The following SYT11 variants were observed in gnomAD, a reference collection of about 807,000 sequenced individuals.
The protein encoded by SYT11 is synaptotagmin 11.
Under a neutral mutation model 30.4 loss-of-function variants are expected in SYT11, and 12 were observed. The ratio of observed to expected loss-of-function variants is 0.39; its 90% confidence interval spans 0.25 to 0.64. SYT11 has a LOEUF of 0.64. SYT11 is among the 30% of genes least tolerant of loss of function. SYT11 has a pLI of 0.45. For synonymous variants in SYT11, 204 were observed against 216.0 expected, an observed-to-expected ratio of 0.94 and a Z score of 0.49; for missense variants, 412 against 552.0, an observed-to-expected ratio of 0.75 and a Z score of 2.54.
chr1:155,865,288 G>A (rs989157497), intron 1 of SYT11, among the ~76,000 whole-genome samples: 4 of 152,190 alleles, frequency 2.6e-5, no homozygotes, highest in East Asian at 1.9e-4. Context: ...AGTGAGGTTC[G>A]GGGCTCACGA....
Position 155,881,758 on chromosome 1 carries a change from C to T in SYT11, c.*250C>T, listed in dbSNP as rs932297837. 10 of 307,328 alleles carry T rather than the reference C, an allele frequency of 3.3e-5. No individual in the cohort carries two copies. The highest frequency in any genetic ancestry group is 1.2e-4 in the East Asian group (2 of 16,550). The allele number at this position is 307,328 out of a possible 1,614,324, so 19.0% of individuals were successfully genotyped here. On this transcript the variant is annotated 3_prime_UTR_variant, in exon 4 of 4. Coordinates refer to ENST00000368324, the MANE Select transcript of SYT11 (RefSeq NM_152280.5). ...CTTTATTTTTTTTGAGGTGGAGTTT[C>T]GCTCTTGTTGCCCGGGCTGGAGTGC...
At chr1:155,879,165 C>G (rs746645676) in intron 2 of SYT11, among the ~76,000 whole-genome samples, 6 of 152,084 alleles carry the variant, frequency 3.9e-5, no homozygotes, top group Non-Finnish European at 5.9e-5. Flanking sequence ...GCTTGTAATC[C>G]CAGCACTTTG....
chr1:155,862,466 AG>A (rs990684174), intron 1 of SYT11, among the ~76,000 whole-genome samples: 1 of 152,236 alleles, frequency 6.6e-6, no homozygotes, highest in Non-Finnish European at 1.5e-5. Flanking sequence ...AAACAAGGCC[AG>A]GGGGAACAAC....
chr1:155,868,022 C>A lies in SYT11; in HGVS notation c.92C>A (p.Ser31Ter). ...GCCTCTGTGCTGGTGGTGTGTGTCT[C>A]GGTGACCGTCTTTGTCTGGTCATGC... Reference protein sequence around the residue: ...IGASVLVVCVSVTVFVWSCCH... With the variant: ...IGASVLVVCV Residue 31 changes from serine (S) to a stop codon, truncating the protein, a stop_gained, in exon 2 of 4, where the codon TCG becomes TAG. Coordinates refer to ENST00000368324, the MANE Select transcript of SYT11 (RefSeq NM_152280.5). LOFTEE classifies it high-confidence loss of function. This position sits in a 1 kb window ranked among gnomAD's most constrained non-coding sequence, Gnocchi z 4.7. The A allele has an allele frequency of 6.2e-7, 1 of 1,613,224 alleles. No homozygotes were observed. The highest frequency in any genetic ancestry group is 1.1e-5 in the South Asian group (1 of 91,048).
rs1007901772 is a variant in SYT11, at chr1:155,884,551, C to T, written c.*3043C>T. The T allele has an allele frequency of 2.0e-5, 3 of 152,756 alleles. No homozygotes were observed. The highest frequency in any genetic ancestry group is 7.2e-5 in the African/African-American group (3 of 41,440). 9.5% of individuals were successfully genotyped at this position (152,756 alleles called of 1,614,324 possible). ...TCACATTTGTTCTTTCCAGAGCTAACTGATAAGAGTGGAGGAGGAATGCCT... is the reference window on the plus strand; with the variant it reads ...TCACATTTGTTCTTTCCAGAGCTAATTGATAAGAGTGGAGGAGGAATGCCT... On this transcript the variant is annotated 3_prime_UTR_variant, in exon 4 of 4. Transcript: ENST00000368324.
intron 2 of SYT11, among the ~76,000 whole-genome samples, chr1:155,877,661 C>G (rs1422554736): frequency 1.3e-5 from 2 of 151,566 alleles, no homozygotes; most frequent in Non-Finnish European, 2.9e-5. Context: ...TCACGCCATT[C>G]TCCTGCCGCA....
intron 2 of SYT11, among the ~76,000 whole-genome samples, chr1:155,871,120 T>A (rs558252307): frequency 1.3e-5 from 2 of 152,236 alleles, no homozygotes; most frequent in South Asian, 4.1e-4. Flanking sequence ...TGCCACAACA[T>A]CTTGTGGTTC....
chr1:155,863,463 A>G (rs968461986), intron 1 of SYT11, among the ~76,000 whole-genome samples: 4 of 151,996 alleles, frequency 2.6e-5, no homozygotes, highest in African/African-American at 7.2e-5. Flanking sequence ...TAAAAAAATA[A>G]TAACAATAAA....
intron 2 of SYT11, among the ~76,000 whole-genome samples, chr1:155,871,807 T>C (rs1672785012): frequency 6.6e-6 from 1 of 152,164 alleles, no homozygotes; most frequent in African/African-American, 2.4e-5. Context: ...CCAGTGCCCG[T>C]AGGCAGGACT....
At chr1:155,870,140 G>A (rs11264418) in intron 2 of SYT11, among the ~76,000 whole-genome samples, 3,208 of 152,292 alleles carry the variant, frequency 0.021, 112 homozygotes, top group African/African-American at 0.07. Flanking sequence ...TATGAAAGAA[G>A]TTGTTGAAAT....
At chr1:155,876,749 T>G (rs1356260859) in intron 2 of SYT11, among the ~76,000 whole-genome samples, 2 of 152,012 alleles carry the variant, frequency 1.3e-5, no homozygotes, top group Non-Finnish European at 2.9e-5. Context: ...CTAGTTCCAG[T>G]CCCAATCATT....
chr1:155,871,984 G>A (rs961519594), intron 2 of SYT11, among the ~76,000 whole-genome samples: 4 of 151,796 alleles, frequency 2.6e-5, no homozygotes, highest in South Asian at 2.1e-4. Context: ...CACACTGGCT[G>A]TAAAGGGCTT....
At chr1:155,867,825 T>C (rs1672705324) in intron 1 of SYT11, 140 bp from the exon 2 acceptor site, 4 of 673,116 alleles carry the variant, frequency 5.9e-6, no homozygotes, top group African/African-American at 3.6e-5. Flanking sequence ...AGGGAAAAAT[T>C]CTGAAGCCCA....
At chr1:155,876,269 G>C (rs1300910650) in intron 2 of SYT11, among the ~76,000 whole-genome samples, 2 of 120,370 alleles carry the variant, frequency 1.7e-5, no homozygotes, top group Non-Finnish European at 3.3e-5. Context: ...CTTTTGAGAC[G>C]GAGTCTCGCT....
chr1:155,873,003 A>AT (rs1672803238), intron 2 of SYT11, among the ~76,000 whole-genome samples: 1 of 152,214 alleles, frequency 6.6e-6, no homozygotes, highest in Non-Finnish European at 1.5e-5. Context: ...GGAAAGAGGC[A>AT]TGGGGATTTT....
At chr1:155,866,411 C>T (rs1039341646) in intron 1 of SYT11, among the ~76,000 whole-genome samples, 2 of 152,206 alleles carry the variant, frequency 1.3e-5, no homozygotes, top group African/African-American at 4.8e-5. Context: ...GCCGCCACAC[C>T]CGGCCTATTT....
rs1672962765 is a variant in SYT11 at position 155,881,545 on chromosome 1, C to G, written c.*37C>G. 1 of 1,544,112 alleles carries G rather than the reference C, an allele frequency of 6.5e-7. No individual in the cohort carries two copies. The highest frequency in any genetic ancestry group is 8.8e-7 in the Non-Finnish European group (1 of 1,139,372). ...TCTCCTCTAATCCCCGGGGGCCAAG[C>G]TGGGGAGGGATGTGGAGGGGAAAAA... On this transcript the variant is annotated 3_prime_UTR_variant, in exon 4 of 4. Coordinates refer to ENST00000368324, the MANE Select transcript of SYT11 (RefSeq NM_152280.5).
intron 2 of SYT11, among the ~76,000 whole-genome samples, chr1:155,872,659 C>CA (rs1454020417): frequency 6.6e-6 from 1 of 152,102 alleles, no homozygotes; most frequent in East Asian, 1.9e-4. Flanking sequence ...GGCTGGGAAA[C>CA]AGAGCTTGCT....
intron 2 of SYT11, among the ~76,000 whole-genome samples, chr1:155,876,238 T>TTC (rs1282907132): frequency 2.2e-5 from 3 of 135,612 alleles, no homozygotes; most frequent in Non-Finnish European, 3.2e-5. Context: ...CACCTCCCTT[T>TTC]TTTTTTTTTT....
Sources: gnomAD v4.1 joint callset for allele counts (sites outside exome capture counted in the v4.1 genomes callset) on GRCh38, gnomAD v4.1.1 for gene constraint, Gnocchi (gnomAD v3.1) non-coding constraint, MANE v1.5 for transcripts, NCBI Gene and HGNC (gene_info 2026-07-23, HGNC 2026-07-21) for gene names.